DCHS1: variants seen among roughly 807,000 people sequenced by gnomAD.
DCHS1 encodes protocadherin-16.
In DCHS1, 78 loss-of-function variants were observed where a neutral mutation model predicts 213.9. The observed-to-expected ratio is 0.36, with a 90% CI of 0.30 to 0.44. DCHS1 has a LOEUF of 0.44. Ranked by LOEUF, DCHS1 falls within the 20% of genes least tolerant of loss-of-function variation. The pLI is 1.00. For missense variants in DCHS1, 3,946 were observed against 4,395.9 expected, an observed-to-expected ratio of 0.90 and a Z score of 2.89; for synonymous variants, 1,828 against 1,873.7, an observed-to-expected ratio of 0.98 and a Z score of 0.63.
chr11:6,627,461 A>G lies in DCHS1; in HGVS notation c.5578T>C (p.Tyr1860His). 6.2e-7 allele frequency: 1 copy of G among 1,611,272 alleles called. No individual in the cohort carries two copies. Among genetic ancestry groups the G allele is most frequent in the Non-Finnish European group, 8.5e-7 (1 of 1,178,832 alleles). Reference protein sequence around the residue: ...DHAPAFPVPAYSVEVPEDVPA... With the variant: ...DHAPAFPVPAHSVEVPEDVPA... ...ACATCCTCCGGCACCTCCACCGAGT[A>G]GGCAGGCACAGGAAAGGCTGGAGCA... The change falls in exon 14 of 21, where the codon TAC becomes CAC. Residue 1860 changes from tyrosine to histidine, a missense_variant. This residue lies in a region of DCHS1 where 3,384 missense variants were observed against 3,780.1 expected (regional missense o/e 0.90). Coordinates refer to ENST00000299441, the MANE Select transcript of DCHS1 (RefSeq NM_003737.4). This position sits in a 1 kb window ranked among gnomAD's most constrained non-coding sequence, Gnocchi z 5.4.
At chr11:6,651,028 C>T (rs957174444) in intron 1 of DCHS1, among the ~76,000 whole-genome samples, 6 of 152,154 alleles carry the variant, frequency 3.9e-5, no homozygotes, top group African/African-American at 1.4e-4. Flanking sequence ...GAGGGATGTG[C>T]TGTGAGGTAC....
chr11:6,631,088 G>C lies in DCHS1; in HGVS notation c.3895C>G (p.Pro1299Ala). The part of the protein sequence containing the change: ...LTLSAHDQGS[P>A]PRSASLQLLV... ...AGCTGGAGGCTGGCACTTCGAGGAG[G>C]GCTGCCTTGGTCATGAGCACTCAGT... The change falls in exon 9 of 21, where the codon CCT becomes GCT. Residue 1299 changes from proline (P) to alanine (A), a missense_variant. Physicochemically the swap from Pro to Ala is conservative, Grantham distance 27 (BLOSUM62 -1). Around this residue, in one of 3 missense-constraint regions of DCHS1, gnomAD observed 3,384 missense variants for 3,780.1 expected, o/e 0.90. Coordinates refer to ENST00000299441, the MANE Select transcript of DCHS1 (RefSeq NM_003737.4). 1 of 1,612,838 alleles carries C rather than the reference G, an allele frequency of 6.2e-7. No homozygotes were observed. The highest frequency in any genetic ancestry group is 2.2e-5 in the East Asian group (1 of 44,832).
rs893510924 is a variant in DCHS1 at position 6,646,713 on chromosome 11, C to G, written c.-120-4980G>C. On this transcript the variant is annotated intron_variant, in intron 1 of 20. Transcript: ENST00000299441. ...TGGTCCTCTGACTCCATCCTGCTCTCCTCCTCCATCCCCACATCTGGGCCT... is the reference window on the plus strand; with the variant it reads ...TGGTCCTCTGACTCCATCCTGCTCTGCTCCTCCATCCCCACATCTGGGCCT... Among the ~76,000 whole-genome samples, 17 of 152,318 alleles carry G rather than the reference C, an allele frequency of 1.1e-4. No individual in the cohort carries two copies. The East Asian group carries it at 3.3e-3, about 29-fold the overall frequency.
At chr11:6,633,695 G>A (rs755251021) in intron 4 of DCHS1, 47 bp from the exon 5 acceptor site, 1 of 1,607,596 alleles carries the variant, frequency 6.2e-7, no homozygotes. Context: ...ACATAATAGG[G>A]CTAGAAAGGT....
rs1392816626 is a variant in DCHS1, at chr11:6,622,379, C to T, written c.9297G>A (p.Leu3099=). ...WYKGRKAGLL[L]PGAGATLYRE... Reference sequence around the variant, plus strand: ...TGTAGAGAGTGGCTCCTGCACCTGGCAGCAGCAGCCCTGCCTTTCGGCCCT... The same window carrying T: ...TGTAGAGAGTGGCTCCTGCACCTGGTAGCAGCAGCCCTGCCTTTCGGCCCT... Residue 3099 remains leucine, a synonymous_variant, in exon 21 of 21, where the codon CTG becomes CTA. Transcript: ENST00000299441. The surrounding 1 kb of genome is among the most constrained non-coding windows in gnomAD (Gnocchi z 5.4). 2.6e-6 allele frequency: 4 copies of T among 1,564,806 alleles called. No individual in the cohort carries two copies. The highest frequency in any genetic ancestry group is 3.5e-6 in the Non-Finnish European group (4 of 1,154,516).
Position 6,632,964 on chromosome 11 carries a change from G to A in DCHS1, c.2548C>T (p.Arg850Cys), listed in dbSNP as rs79559386. The part of the protein sequence containing the change: ...DAVSGLLQTL[R>C]PLDRELLGPV... ...CCCAGTAGCTCCCGGTCCAGAGGGC[G>A]AAGTGTTTGCAACAGTCCTGATACC... Residue 850 changes from arginine (R) to cysteine (C), a missense_variant, in exon 6 of 21, where the codon CGC (arginine) becomes TGC (cysteine). Arg to Cys is a radical substitution (Grantham distance 180). Coordinates refer to ENST00000299441, the MANE Select transcript of DCHS1 (RefSeq NM_003737.4). The surrounding 1 kb of genome is among the most constrained non-coding windows in gnomAD (Gnocchi z 5.9). 871 of 1,614,018 alleles carry A rather than the reference G, an allele frequency of 5.4e-4. 3 individuals carry two copies. The South Asian group carries it at 6.6e-3, about 12-fold the overall frequency.
rs766855487 is a variant in DCHS1, at chr11:6,632,771, T to A, written c.2741A>T (p.Tyr914Phe). 1 of 1,613,552 alleles carries A rather than the reference T, an allele frequency of 6.2e-7. No individual in the cohort carries two copies. Among genetic ancestry groups the A allele is most frequent in the Non-Finnish European group, 8.5e-7 (1 of 1,179,716 alleles). ...PPNTAPGTPIYTLRALDPDSG... is the reference protein window; with the variant it reads ...PPNTAPGTPIFTLRALDPDSG... The stretch of plus-strand genomic sequence containing the variant: ...GTCGGGGTCAAGAGCCCGCAGTGTA[T>A]AGATGGGAGTCCCTGGGGCAGTGTT... Residue 914 changes from tyrosine (Y) to phenylalanine (F), a missense_variant, in exon 6 of 21, where the codon TAT (tyrosine) becomes TTT (phenylalanine). Coordinates refer to ENST00000299441, the MANE Select transcript of DCHS1 (RefSeq NM_003737.4). This position sits in a 1 kb window ranked among gnomAD's most constrained non-coding sequence, Gnocchi z 5.9.
intron 1 of DCHS1, among the ~76,000 whole-genome samples, chr11:6,643,224 G>A (rs1385175599): frequency 2.6e-5 from 4 of 152,196 alleles, no homozygotes; most frequent in African/African-American, 7.2e-5. Context: ...CTGTGGATAA[G>A]TGAGAGCACA....
Position 6,624,388 on chromosome 11 carries a change from T to G in DCHS1, c.7288A>C (p.Thr2430Pro). ...ACTGTTCCCACTATTGTGAACAGGG[T>G]CCCTGAGATGAGAACGGAAGGGAAA... Reference protein sequence around the residue: ...DGFSVDPNNGTLFTIVGTVAL... With the variant: ...DGFSVDPNNGPLFTIVGTVAL... Residue 2430 changes from threonine (T) to proline (P), a missense_variant and splice_region_variant, in exon 21 of 21, where the codon ACC becomes CCC. Thr to Pro is a conservative substitution (Grantham distance 38, BLOSUM62 -1). Around this residue, in one of 3 missense-constraint regions of DCHS1, gnomAD observed 3,384 missense variants for 3,780.1 expected, o/e 0.90. Coordinates refer to ENST00000299441, the MANE Select transcript of DCHS1 (RefSeq NM_003737.4). 6.4e-7 allele frequency: 1 copy of G among 1,553,220 alleles called. No individual in the cohort carries two copies. The highest frequency in any genetic ancestry group is 8.7e-7 in the Non-Finnish European group (1 of 1,147,050).
At position 6,632,493 on chromosome 11, in the gene DCHS1, C is replaced by G; in HGVS notation, c.3019G>C (p.Val1007Leu). Residue 1007 changes from valine (V) to leucine (L), a missense_variant, in exon 6 of 21, where the codon GTG (valine) becomes CTG (leucine). Coordinates refer to ENST00000299441, the MANE Select transcript of DCHS1 (RefSeq NM_003737.4). The surrounding 1 kb of genome is among the most constrained non-coding windows in gnomAD (Gnocchi z 5.9). The part of the protein sequence containing the change: ...APRFNSPTYR[V>L]DLPSGTTAGT... ...GCAGTGGTGCCTGAGGGCAGGTCCACACGGTAGGTAGGGCTGTTGAATCGG... is the reference window on the plus strand; with the variant it reads ...GCAGTGGTGCCTGAGGGCAGGTCCAGACGGTAGGTAGGGCTGTTGAATCGG... The G allele has an allele frequency of 1.9e-6, 3 of 1,576,072 alleles. 1 individual carries two copies. In the South Asian group the frequency reaches 3.5e-5, roughly 19 times the overall value.
rs368647467 is a variant in DCHS1 at position 6,632,744 on chromosome 11, G to A, written c.2768C>T (p.Ser923Leu). ...IYTLRALDPD[S>L]GVNSRVTFTL... ...AAAGGTGACTCGACTGTTAACACCT[G>A]AGTCGGGGTCAAGAGCCCGCAGTGT... The change falls in exon 6 of 21, where the codon TCA becomes TTA. Residue 923 changes from serine to leucine, a missense_variant. Ser to Leu is a moderately radical substitution (Grantham distance 145, BLOSUM62 -2). Around this residue, in one of 3 missense-constraint regions of DCHS1, gnomAD observed 3,384 missense variants for 3,780.1 expected, o/e 0.90. Transcript: ENST00000299441. The surrounding 1 kb of genome is among the most constrained non-coding windows in gnomAD (Gnocchi z 5.9). 4.3e-5 allele frequency: 69 copies of A among 1,611,172 alleles called. 2 individuals carry two copies. The highest frequency in any genetic ancestry group is 3.1e-4 in the East Asian group (14 of 44,794).
In DCHS1 at chr11:6,630,342, C is replaced by A. The variant is rs1367977026; in HGVS notation, c.4452G>T (p.Pro1484=). The A allele has an allele frequency of 2.3e-6, 3 of 1,308,300 alleles. No individual in the cohort carries two copies. Among genetic ancestry groups the A allele is most frequent in the Non-Finnish European group, 2.9e-6 (3 of 1,030,412 alleles). 81.0% of individuals were successfully genotyped at this position (1,308,300 alleles called of 1,614,324 possible). ...CGGTGCGCGCGTCCAGGCGAAGCGC[C>A]GGCACGGGCGGCTCCTGGCGCAGCA... ...YRLLRQEPPV[P]ALRLDARTGA... is the part of the protein sequence containing the mutation. Residue 1484 remains proline (P), a synonymous_variant, in exon 10 of 21, where the codon CCG becomes CCT. Coordinates refer to ENST00000299441, the MANE Select transcript of DCHS1 (RefSeq NM_003737.4).
rs189775798 is a variant in DCHS1, at chr11:6,648,128, C to G, written c.-120-6395G>C. Among the ~76,000 whole-genome samples the G allele has an allele frequency of 4.2e-3, 635 of 152,296 alleles. 3 individuals carry two copies. The highest frequency in any genetic ancestry group is 0.015 in the African/African-American group (617 of 41,568). On this transcript the variant is annotated intron_variant, in intron 1 of 20. Coordinates refer to ENST00000299441, the MANE Select transcript of DCHS1 (RefSeq NM_003737.4). ...CCCATGTGAAGATATTCAAGCACAG[C>G]TGGGTTTGCAAGCCTGCAGCTTAGC...
Position 6,641,492 on chromosome 11 carries a change from C to G in DCHS1, c.122G>C (p.Trp41Ser), listed in dbSNP as rs1856073418. 1 of 1,567,320 alleles carries G rather than the reference C, an allele frequency of 6.4e-7. No individual in the cohort carries two copies. Among genetic ancestry groups the G allele is most frequent in the Admixed American group, 1.9e-5 (1 of 52,832 alleles). Residue 41 changes from tryptophan to serine, a missense_variant, in exon 2 of 21, where the codon TGG becomes TCG. This residue lies in a region of DCHS1 where 3,384 missense variants were observed against 3,780.1 expected (regional missense o/e 0.90). Coordinates refer to ENST00000299441, the MANE Select transcript of DCHS1 (RefSeq NM_003737.4). The surrounding 1 kb of genome is among the most constrained non-coding windows in gnomAD (Gnocchi z 7.1). ...CAAGTCCAGGCTCCCAGCCTGACCC[C>G]AGGCACCTGGCACCCCAGCCCCCAG... ...LLLGAGVPGA[W>S]GQAGSLDLQI... is the part of the protein sequence containing the mutation.
rs1030420777 is a variant in DCHS1 at position 6,631,862 on chromosome 11, G to A, written c.3482-53C>T. 5 of 1,482,114 alleles carry A rather than the reference G, an allele frequency of 3.4e-6. No individual in the cohort carries two copies. The African/African-American group carries it at 4.2e-5, about 13-fold the overall frequency. The allele number at this position is 1,482,114 out of a possible 1,614,324, so 91.8% of individuals were successfully genotyped here. ...CGAGATGTTTAAGGATGCAGAGCCTGAGGCCTGCACCTAAGAAGCTGGTGT... is the reference window on the plus strand; with the variant it reads ...CGAGATGTTTAAGGATGCAGAGCCTAAGGCCTGCACCTAAGAAGCTGGTGT... On this transcript the variant is annotated intron_variant, in intron 6 of 20. Transcript: ENST00000299441.
intron 2 of DCHS1, among the ~76,000 whole-genome samples, chr11:6,636,116 A>G (rs758386900): frequency 2.0e-5 from 3 of 152,224 alleles, no homozygotes; most frequent in Non-Finnish European, 4.4e-5. Flanking sequence ...TGAACTCTCT[A>G]AACTTCTTAC....
rs778843574 is a variant in DCHS1, at chr11:6,630,458, G to GCAGCGC, written c.4330_4335dup (p.Ala1444_Leu1445dup). On this transcript the variant is annotated inframe_insertion, in exon 10 of 21. Coordinates refer to ENST00000299441, the MANE Select transcript of DCHS1 (RefSeq NM_003737.4). ...GCTGCGCCGGGCTCCGGGTTCTCTGGCAGCGCCAGCGCCAGCGGGTCGCGC... is the reference window on the plus strand; with the variant it reads ...GCTGCGCCGGGCTCCGGGTTCTCTGGCAGCGCCAGCGCCAGCGCCAGCGGGTCGCGC... The GCAGCGC allele has an allele frequency of 7.9e-6, 12 of 1,517,658 alleles. No homozygotes were observed. Among genetic ancestry groups the GCAGCGC allele is most frequent in the Middle Eastern group, 1.8e-4 (1 of 5,648 alleles). The allele number at this position is 1,517,658 out of a possible 1,614,324, so 94.0% of individuals were successfully genotyped here. A position where few individuals can be genotyped will look rare whatever the true frequency, so the allele number is the denominator to read the frequency against.
At chr11:6,638,596 T>G (rs1856020350) in intron 2 of DCHS1, among the ~76,000 whole-genome samples, 1 of 152,178 alleles carries the variant, frequency 6.6e-6, no homozygotes, top group African/African-American at 2.4e-5. Flanking sequence ...TCATTAGTTC[T>G]TCAAGGCCCC....
In DCHS1 at chr11:6,626,654, C is replaced by A. The variant is rs752340638; in HGVS notation, c.6262G>T (p.Val2088Phe). ...CCTGCATGGACGGCCCTGGGGGAGA[C>A]AATAGGAGTCCCTGCAGAAAGAACG... ...RENAPPGTPI[V>F]SPRAVHAGGT... is the part of the protein sequence containing the mutation. Residue 2088 changes from valine to phenylalanine, a missense_variant, in exon 15 of 21, where the codon GTC becomes TTC. By Grantham distance (50) the Val-to-Phe change is conservative. Coordinates refer to ENST00000299441, the MANE Select transcript of DCHS1 (RefSeq NM_003737.4). The surrounding 1 kb of genome is among the most constrained non-coding windows in gnomAD (Gnocchi z 5.2). The A allele has an allele frequency of 3.6e-5, 58 of 1,613,756 alleles. No individual in the cohort carries two copies. The highest frequency in any genetic ancestry group is 4.8e-5 in the Non-Finnish European group (57 of 1,179,872).
Sources: allele counts gnomAD v4.1 joint callset (sites outside exome capture counted in the v4.1 genomes callset), GRCh38; gene constraint gnomAD v4.1.1; regional missense constraint gnomAD v4.1.1; non-coding constraint Gnocchi (gnomAD v3.1); transcripts MANE v1.5; gene names NCBI Gene and HGNC (gene_info 2026-07-23, HGNC 2026-07-21).